The following MTMR6 variants were observed in gnomAD, a reference collection of about 807,000 sequenced individuals.
MTMR6 encodes the protein myotubularin related protein 6.
Under a neutral mutation model 80.1 loss-of-function variants are expected in MTMR6, and 47 were observed. That is an observed-to-expected ratio of 0.59 (90% CI 0.46 to 0.75). The LOEUF (loss-of-function observed/expected upper bound fraction) is 0.75. Among genes scored for constraint, MTMR6 ranks in the 30% least tolerant of loss-of-function variants. The pLI is 0.00. For synonymous variants in MTMR6, 254 were observed against 253.0 expected, an observed-to-expected ratio of 1.00 and a Z score of -0.04; for missense variants, 629 against 730.9, an observed-to-expected ratio of 0.86 and a Z score of 1.61.
In MTMR6 at chr13:25,253,743, CTT is replaced by C. The variant is rs544097574; in HGVS notation, c.1346+19_1346+20del. 1.2e-4 allele frequency: 198 copies of C among 1,606,844 alleles called. 2 individuals are homozygous for C. In the East Asian group the frequency reaches 3.8e-3, roughly 31 times the overall value. ...GGCTAAGTAGGGGGAAAAGGAGACT[CTT>C]TTAATTGAATCATCTTACTTGAGCT... is the stretch of plus-strand genomic sequence containing the variant. On this transcript the variant is annotated intron_variant, in intron 11 of 13. Coordinates refer to ENST00000381801, the MANE Select transcript of MTMR6 (RefSeq NM_004685.5).
rs9511729 is a variant in MTMR6, at chr13:25,257,745, G to A, written c.960C>T (p.Phe320=). Residue 320 remains phenylalanine, a synonymous_variant, in exon 8 of 14, where the codon TTC becomes TTT. Transcript: ENST00000381801. ...HIKAVMDAAI[F]LAKAITVENA... ...AAAGATAAAGTATTACTTTGGCCAA[G>A]AAGATTGCAGCATCCATAACAGCTT... The A allele has an allele frequency of 0.013, 21,126 of 1,610,244 alleles. 169 individuals carry two copies. The highest frequency in any genetic ancestry group is 0.015 in the Non-Finnish European group (17,953 of 1,176,948).
At position 25,287,399 on chromosome 13, in the gene MTMR6, G is replaced by A; in HGVS notation, c.-152C>T. 1.0e-6 allele frequency: 1 copy of A among 983,304 alleles called. No individual in the cohort carries two copies. The highest frequency in any genetic ancestry group is 1.6e-5 in the African/African-American group (1 of 62,064). The allele number at this position is 983,304 out of a possible 1,614,324, so 60.9% of individuals were successfully genotyped here. ...CGGCCCCGGTGGCGTCAACGGCGCA[G>A]GTGCAGCCGGTGAGCGCCGTCTCCT... On this transcript the variant is annotated 5_prime_UTR_variant, in exon 1 of 14. Transcript: ENST00000381801.
chr13:25,275,689 G>A (rs1470356914), intron 1 of MTMR6, among the ~76,000 whole-genome samples: 10 of 151,700 alleles, frequency 6.6e-5, no homozygotes, highest in Non-Finnish European at 1.0e-4. Context: ...GTGAAACCCC[G>A]TCTCTATCAA....
chr13:25,275,150 G>C (rs1221786225), intron 1 of MTMR6, among the ~76,000 whole-genome samples: 1 of 152,196 alleles, frequency 6.6e-6, no homozygotes, highest in Non-Finnish European at 1.5e-5. Context: ...ATTTGGGCCA[G>C]GCACGGTGGC....
intron 1 of MTMR6, among the ~76,000 whole-genome samples, chr13:25,274,975 C>CACACACAT (rs1408375001): frequency 3.5e-5 from 5 of 143,784 alleles, no homozygotes; most frequent in African/African-American, 1.4e-4. Flanking sequence ...CACACACACA[C>CACACACAT]ACACACACAC....
chr13:25,261,303 T>TAGAA (rs1957333159), intron 6 of MTMR6, among the ~76,000 whole-genome samples: 1 of 40,838 alleles, frequency 2.4e-5, no homozygotes, highest in African/African-American at 8.7e-5. Flanking sequence ...AACTCTGTCT[T>TAGAA]AAAAAAAAAA....
intron 9 of MTMR6, 150 bp from the exon 10 acceptor site, chr13:25,254,584 CA>C: frequency 1.6e-6 from 1 of 627,040 alleles, no homozygotes; most frequent in Non-Finnish European, 2.8e-6. Flanking sequence ...AAAAGAATGC[CA>C]AAACCTTGAT....
intron 6 of MTMR6, among the ~76,000 whole-genome samples, chr13:25,259,442 C>T (rs1957284993): frequency 6.6e-6 from 1 of 152,106 alleles, no homozygotes; most frequent in Non-Finnish European, 1.5e-5. Flanking sequence ...GTGGATAAAA[C>T]GAAGCCTAAA....
intron 2 of MTMR6, among the ~76,000 whole-genome samples, chr13:25,269,997 A>G (rs1957538174): frequency 6.6e-6 from 1 of 152,202 alleles, no homozygotes; most frequent in Non-Finnish European, 1.5e-5. Context: ...AATGTTTGGG[A>G]CTAGAAGTAT....
intron 1 of MTMR6, among the ~76,000 whole-genome samples, chr13:25,285,722 T>C (rs1163104191): frequency 6.6e-6 from 1 of 151,972 alleles, no homozygotes; most frequent in Non-Finnish European, 1.5e-5. Flanking sequence ...TTAGTAGATA[T>C]GGGGTTTTGC....
intron 6 of MTMR6, among the ~76,000 whole-genome samples, chr13:25,260,226 T>C (rs981678449): frequency 1.3e-5 from 2 of 151,422 alleles, no homozygotes; most frequent in African/African-American, 4.9e-5. Flanking sequence ...TGGAGTGCCA[T>C]GGCGTGATCT....
At chr13:25,280,461 C>T (rs948117603) in intron 1 of MTMR6, among the ~76,000 whole-genome samples, 1 of 152,208 alleles carries the variant, frequency 6.6e-6, no homozygotes, top group Non-Finnish European at 1.5e-5. Flanking sequence ...CCACCCCTCA[C>T]CCCTAAGGAG....
At chr13:25,284,283 A>G (rs2137644994) in intron 1 of MTMR6, among the ~76,000 whole-genome samples, 1 of 152,298 alleles carries the variant, frequency 6.6e-6, no homozygotes. Context: ...CCTTAGTTTA[A>G]ATACTAATTC....
In MTMR6 at chr13:25,246,569, T is replaced by C. The variant is rs905619413; in HGVS notation, c.*2663A>G. On this transcript the variant is annotated 3_prime_UTR_variant, in exon 14 of 14. Coordinates refer to ENST00000381801, the MANE Select transcript of MTMR6 (RefSeq NM_004685.5). ...GCAAAAGTAATTGCGGTTTTTGTCA[T>C]CACTTTCAATGGCAAAAGCCCCAAT... 7.2e-5 allele frequency: 11 copies of C among 152,660 alleles called. No individual in the cohort carries two copies. The highest frequency in any genetic ancestry group is 2.7e-4 in the African/African-American group (11 of 41,456). 9.5% of individuals were successfully genotyped at this position (152,660 alleles called of 1,614,324 possible). A position where few individuals can be genotyped will look rare whatever the true frequency, so the allele number is the denominator to read the frequency against.
At position 25,251,781 on chromosome 13, in the gene MTMR6, T is replaced by A. The variant is rs751421897; in HGVS notation, c.1479-6A>T. On this transcript the variant is annotated splice_region_variant and splice_polypyrimidine_tract_variant and intron_variant, in intron 12 of 13. Transcript: ENST00000381801. The surrounding 1 kb of genome is among the most constrained non-coding windows in gnomAD (Gnocchi z 4.1). ...GGTACATGTTCCTCCAAAACCTTTA[T>A]GACAAAAAAAAGTTTCAATAAATTG... 1.2e-6 allele frequency: 2 copies of A among 1,606,188 alleles called. No individual in the cohort carries two copies. The highest frequency in any genetic ancestry group is 3.5e-5 in the Admixed American group (2 of 57,800).
At position 25,266,236 on chromosome 13, in the gene MTMR6, A is replaced by T. The variant is rs761102682; in HGVS notation, c.355T>A (p.Ser119Thr). 6.8e-6 allele frequency: 11 copies of T among 1,613,768 alleles called. No individual in the cohort carries two copies. The highest frequency in any genetic ancestry group is 7.6e-6 in the Non-Finnish European group (9 of 1,179,668). The part of the protein sequence containing the change: ...AFSYNPKQND[S>T]ERLQGWQLID... ...AGCTGCCAGCCTTGTAGTCGTTCTG[A>T]ATCATTTTGTTTGGGATTATAAGAA... Residue 119 changes from serine (S) to threonine (T), a missense_variant, in exon 4 of 14, where the codon TCA becomes ACA. Coordinates refer to ENST00000381801, the MANE Select transcript of MTMR6 (RefSeq NM_004685.5).
At chr13:25,281,378 G>A (rs1045171078) in intron 1 of MTMR6, among the ~76,000 whole-genome samples, 4 of 150,906 alleles carry the variant, frequency 2.7e-5, no homozygotes, top group African/African-American at 9.8e-5. Context: ...AAGAAGAAAG[G>A]AGAAAGGAAA....
chr13:25,260,312 GCATTCACCAC>G (rs1473609944), intron 6 of MTMR6, among the ~76,000 whole-genome samples: 1 of 151,930 alleles, frequency 6.6e-6, no homozygotes, highest in East Asian at 1.9e-4. Flanking sequence ...GGGATTACAG[GCATTCACCAC>G]CATGCCCGGC....
At chr13:25,277,488 A>G (rs1297112201) in intron 1 of MTMR6, among the ~76,000 whole-genome samples, 1 of 152,214 alleles carries the variant, frequency 6.6e-6, no homozygotes, top group Non-Finnish European at 1.5e-5. Flanking sequence ...TTATTCCCCC[A>G]GGTGAAAACC....
Sources: allele counts gnomAD v4.1 joint callset (sites outside exome capture counted in the v4.1 genomes callset), GRCh38; gene constraint gnomAD v4.1.1; non-coding constraint Gnocchi (gnomAD v3.1); transcripts MANE v1.5; gene names NCBI Gene and HGNC (gene_info 2026-07-23, HGNC 2026-07-21).